The following MYO5A variants were observed in gnomAD, a reference collection of about 807,000 sequenced individuals.
MYO5A encodes myosin VA.
A neutral mutation model predicts 249.7 loss-of-function variants in MYO5A; 98 were observed. That is an observed-to-expected ratio of 0.39 (90% CI 0.33 to 0.46). The LOEUF is 0.46. MYO5A is among the 20% of genes least tolerant of loss of function. MYO5A has a pLI of 0.98. For missense variants in MYO5A, 1,696 were observed against 2,308.8 expected (o/e 0.73, Z 5.44); for synonymous variants, 778 against 810.6 (o/e 0.96, Z 0.68).
At position 52,410,551 on chromosome 15, in the gene MYO5A, G is replaced by C; in HGVS notation, c.613-75C>G. The stretch of plus-strand genomic sequence containing the variant: ...GACATTTACAGAATCTGCTCAGAGA[G>C]AGAAAAGATGGAGTAGAACACAGGT... On this transcript the variant is annotated intron_variant, in intron 5 of 41. Transcript: ENST00000399233. 4 of 1,380,500 alleles carry C rather than the reference G, an allele frequency of 2.9e-6. 1 individual carries two copies. The highest frequency in any genetic ancestry group is 4.1e-6 in the Non-Finnish European group (4 of 977,230). 85.5% of individuals were successfully genotyped at this position (1,380,500 alleles called of 1,614,324 possible). A position where few individuals can be genotyped will look rare whatever the true frequency, so the allele number is the denominator to read the frequency against.
chr15:52,472,169 C>T (rs1193954112), intron 1 of MYO5A, among the ~76,000 whole-genome samples: 2 of 151,932 alleles, frequency 1.3e-5, no homozygotes, highest in Non-Finnish European at 2.9e-5. Flanking sequence ...AGCTCCGCCT[C>T]CCAGGTTCAC....
In MYO5A at chr15:52,370,319, T is replaced by C. The variant is rs1038206315; in HGVS notation, c.2916A>G (p.Gln972=). ...EKLRSDLERL[Q]LSEEEAKVAT... is the part of the protein sequence containing the mutation. ...CAACTTTCGCTTCCTCTTCACTTAGTTGAAGACGTTCTAAGTCACTTCGTA... is the reference window on the plus strand; with the variant it reads ...CAACTTTCGCTTCCTCTTCACTTAGCTGAAGACGTTCTAAGTCACTTCGTA... Residue 972 remains glutamine (Q), a synonymous_variant, in exon 22 of 42, where the codon CAA becomes CAG. Transcript: ENST00000399233. 6.2e-6 allele frequency: 10 copies of C among 1,614,066 alleles called. No homozygotes were observed. In the Middle Eastern group the frequency reaches 4.9e-4, roughly 80 times the overall value.
At chr15:52,320,829 C>T (rs773600926) in intron 38 of MYO5A, among the ~76,000 whole-genome samples, 31 of 152,126 alleles carry the variant, frequency 2.0e-4, no homozygotes, top group Admixed American at 3.9e-4. Context: ...CTGGCTAACA[C>T]GGTGAAACCC....
At position 52,416,158 on chromosome 15, in the gene MYO5A, T is replaced by C. The variant is rs1333655292; in HGVS notation, c.599A>G (p.Asn200Ser). The change falls in exon 5 of 42, where the codon AAC becomes AGC. Residue 200 changes from asparagine to serine, a missense_variant. By Grantham distance (46) the Asn-to-Ser change is conservative (BLOSUM62 1). This residue lies in a region of MYO5A where 197 missense variants were observed against 320.3 expected (regional missense o/e 0.62). Transcript: ENST00000399233. ...TCGCTGTCTTACCTCCATGATGGGGTTGGAGGCCAAGACCTTTTCCTCCAC... is the reference window on the plus strand; with the variant it reads ...TCGCTGTCTTACCTCCATGATGGGGCTGGAGGCCAAGACCTTTTCCTCCAC... ...ANVEEKVLAS[N>S]PIMESIGNAK... The C allele has an allele frequency of 1.2e-6, 2 of 1,613,872 alleles. No homozygotes were observed. The highest frequency in any genetic ancestry group is 1.7e-6 in the Non-Finnish European group (2 of 1,179,932).
intron 1 of MYO5A, among the ~76,000 whole-genome samples, chr15:52,492,086 A>G (rs1405298668): frequency 1.3e-5 from 2 of 152,218 alleles, no homozygotes; most frequent in Admixed American, 1.3e-4. Context: ...TTAAGGAATT[A>G]TAAACATTTT....
At chr15:52,393,563 T>C (rs992595812) in intron 11 of MYO5A, among the ~76,000 whole-genome samples, 5 of 152,162 alleles carry the variant, frequency 3.3e-5, no homozygotes, top group Non-Finnish European at 7.4e-5. Flanking sequence ...CCAGCTAAAT[T>C]TTTATATTTT....
chr15:52,314,697 A>C (rs1436476168), intron 40 of MYO5A, among the ~76,000 whole-genome samples: 1 of 129,414 alleles, frequency 7.7e-6, no homozygotes, highest in Non-Finnish European at 1.5e-5. Context: ...ATTTTTATAA[A>C]AGATCATAAA....
intron 31 of MYO5A, 145 bp downstream of exon 31, chr15:52,342,972 T>C: frequency 2.7e-6 from 2 of 729,814 alleles, no homozygotes; most frequent in Non-Finnish European, 2.4e-6. Flanking sequence ...CTGAAAAGCT[T>C]TGAACAAATA....
At chr15:52,416,093 A>G in intron 5 of MYO5A, 52 bp downstream of exon 5, 1 of 1,602,974 alleles carries the variant, frequency 6.2e-7, no homozygotes, top group Non-Finnish European at 8.5e-7. Flanking sequence ...TTTTTTGAGC[A>G]TGTTTCTTAT....
rs573819466 is a variant in MYO5A at position 52,506,784 on chromosome 15, G to A, written c.27+21996C>T. 5.9e-5 allele frequency among the ~76,000 whole-genome samples: 9 copies of A among 151,734 alleles called. No homozygotes were observed. In the East Asian group the frequency reaches 1.8e-3, roughly 30 times the overall value. On this transcript the variant is annotated intron_variant, in intron 1 of 41. Coordinates refer to ENST00000399233, the MANE Select transcript of MYO5A (RefSeq NM_001382347.1). ...CGAGAGGGGGAGGTGGCAGTGAGCC[G>A]AGATTGTGCCACTGCACTCCAGCCT...
intron 5 of MYO5A, among the ~76,000 whole-genome samples, chr15:52,411,768 C>T (rs1176409069): frequency 2.0e-5 from 3 of 152,166 alleles, no homozygotes; most frequent in Non-Finnish European, 4.4e-5. Flanking sequence ...CAAGTCAACA[C>T]ATTAGATTCT....
chr15:52,369,556 TG>T (rs1567059204), intron 22 of MYO5A, among the ~76,000 whole-genome samples: 1 of 152,220 alleles, frequency 6.6e-6, no homozygotes, highest in Non-Finnish European at 1.5e-5. Flanking sequence ...GTAAAGCTGT[TG>T]GTTGCAATCA....
At chr15:52,497,756 CAA>C (rs35145185) in intron 1 of MYO5A, among the ~76,000 whole-genome samples, 2 of 62,702 alleles carry the variant, frequency 3.2e-5, no homozygotes, top group African/African-American at 6.1e-5. Context: ...GACTCTGTCT[CAA>C]AAAAAAAAAA....
chr15:52,407,373 T>C lies in MYO5A; in HGVS notation c.865A>G (p.Lys289Glu). The change falls in exon 8 of 42, where the codon AAA (lysine) becomes GAA (glutamate). Residue 289 changes from lysine (K) to glutamate (E), a missense_variant. Lys to Glu is a moderately conservative substitution (Grantham distance 56). Around this residue, in one of 5 missense-constraint regions of MYO5A, gnomAD observed 185 missense variants for 204.8 expected, o/e 0.90. Coordinates refer to ENST00000399233, the MANE Select transcript of MYO5A (RefSeq NM_001382347.1). ...TCAATCACAGGACTGCCTCCTTGTT[T>C]TGTGTAATTAAAGTTATCTGCATTT... ...LGNADNFNYTKQGGSPVIEGV... is the reference protein window; with the variant it reads ...LGNADNFNYTEQGGSPVIEGV... 1.2e-6 allele frequency: 2 copies of C among 1,613,618 alleles called. No homozygotes were observed. The highest frequency in any genetic ancestry group is 1.7e-6 in the Non-Finnish European group (2 of 1,179,582).
chr15:52,334,645 T>G (rs1444891562), intron 34 of MYO5A, among the ~76,000 whole-genome samples: 1 of 152,238 alleles, frequency 6.6e-6, no homozygotes, highest in Non-Finnish European at 1.5e-5. Context: ...GTTATAAATA[T>G]TTCTGAAACT....
In MYO5A at chr15:52,416,127, G is replaced by T. The variant is rs577641684; in HGVS notation, c.612+18C>A. 2.4e-5 allele frequency: 38 copies of T among 1,613,388 alleles called. No homozygotes were observed. In the South Asian group the frequency reaches 4.0e-4, roughly 17 times the overall value. On this transcript the variant is annotated intron_variant, in intron 5 of 41. Coordinates refer to ENST00000399233, the MANE Select transcript of MYO5A (RefSeq NM_001382347.1). Reference sequence around the variant, plus strand: ...ATCAAGAGAATATAGGAAGAAAGCCGAAGACTCGCTGTCTTACCTCCATGA... The same window carrying T: ...ATCAAGAGAATATAGGAAGAAAGCCTAAGACTCGCTGTCTTACCTCCATGA...
intron 1 of MYO5A, among the ~76,000 whole-genome samples, chr15:52,523,876 T>A (rs1008137820): frequency 6.7e-6 from 1 of 150,132 alleles, no homozygotes; most frequent in African/African-American, 2.5e-5. Flanking sequence ...AGATGAGATT[T>A]CTGTTCCTCT....
At chr15:52,524,553 CTAAATAAATAAATAAATAAA>C (rs55753650) in intron 1 of MYO5A, among the ~76,000 whole-genome samples, 9 of 140,950 alleles carry the variant, frequency 6.4e-5, no homozygotes, top group Non-Finnish European at 1.1e-4. Context: ...GACCCTGAAC[CTAAATAAATAAATAAATAAA>C]TAAATAAATA....
chr15:52,432,791 T>C (rs991504744), intron 2 of MYO5A, among the ~76,000 whole-genome samples: 6 of 152,268 alleles, frequency 3.9e-5, no homozygotes, highest in Non-Finnish European at 7.4e-5. Context: ...TTCCCCTCAG[T>C]TTTGCTCTCC....
Sources: allele counts gnomAD v4.1 joint callset (sites outside exome capture counted in the v4.1 genomes callset), GRCh38; gene constraint gnomAD v4.1.1; regional missense constraint gnomAD v4.1.1; transcripts MANE v1.5; gene names NCBI Gene and HGNC (gene_info 2026-07-23, HGNC 2026-07-21).